Variants in SDK1 observed in about 807,000 individuals in gnomAD.
SDK1 encodes sidekick cell adhesion molecule 1, also known as protein sidekick-1.
A neutral mutation model predicts 245.5 loss-of-function variants in SDK1; 157 were observed. The ratio of observed to expected loss-of-function variants is 0.64; its 90% confidence interval spans 0.56 to 0.73. SDK1 has a LOEUF of 0.73. SDK1 is among the 30% of genes least tolerant of loss of function. The pLI is 0.00. For missense variants in SDK1, 3,583 were observed against 3,002.3 expected, an observed-to-expected ratio of 1.19 and a Z score of -4.52; for synonymous variants, 1,647 against 1,278.5, an observed-to-expected ratio of 1.29 and a Z score of -6.15.
At chr7:3,717,761 C>G (rs1402982755) in intron 4 of SDK1, among the ~76,000 whole-genome samples, 1 of 152,156 alleles carries the variant, frequency 6.6e-6, no homozygotes, top group Non-Finnish European at 1.5e-5. Flanking sequence ...CTTAGAGAAA[C>G]TTAATTTGCA....
chr7:3,623,921 C>G (rs1021635536), intron 2 of SDK1, among the ~76,000 whole-genome samples: 11 of 152,186 alleles, frequency 7.2e-5, no homozygotes, highest in Non-Finnish European at 1.3e-4. Flanking sequence ...TTTATTCTTG[C>G]TTTATTCCAG....
chr7:4,132,567 A>C (rs1309969896), intron 28 of SDK1, 144 bp downstream of exon 28: 9 of 596,414 alleles, frequency 1.5e-5, no homozygotes, highest in African/African-American at 3.6e-5. Flanking sequence ...CCAAAGAAAA[A>C]ATTCAGACTA....
chr7:3,893,379 T>G (rs763274377), intron 5 of SDK1, among the ~76,000 whole-genome samples: 12 of 152,230 alleles, frequency 7.9e-5, no homozygotes, highest in Non-Finnish European at 1.2e-4. Context: ...CTTGCTATGC[T>G]TATCTGTAAA....
At chr7:4,137,419 C>G (rs2128202712) in intron 28 of SDK1, among the ~76,000 whole-genome samples, 1 of 152,306 alleles carries the variant, frequency 6.6e-6, no homozygotes, top group African/African-American at 2.4e-5. Context: ...CAGTATCCAG[C>G]CTCAGCTCCT....
chr7:4,139,735 GTA>G lies in SDK1; in HGVS notation c.4229-5985_4229-5984del, dbSNP rs1225102205. ...TGTGTGTGTGTATGTGTGTGTGTGTGTATGTGTGTGTGTGTGTGTGTGTATAA... is the reference window on the plus strand; with the variant it reads ...TGTGTGTGTGTATGTGTGTGTGTGTGTGTGTGTGTGTGTGTGTGTGTATAA... On this transcript the variant is annotated intron_variant, in intron 28 of 44. Coordinates refer to ENST00000404826, the MANE Select transcript of SDK1 (RefSeq NM_152744.4). Among the ~76,000 whole-genome samples, 24 of 141,120 alleles carry G rather than the reference GTA, an allele frequency of 1.7e-4. 1 individual carries two copies. Among genetic ancestry groups the G allele is most frequent in the African/African-American group, 4.9e-4 (17 of 34,728 alleles). The allele number at this position is 141,120 out of a possible 152,430, so 92.6% of individuals were successfully genotyped here.
intron 5 of SDK1, among the ~76,000 whole-genome samples, chr7:3,936,225 G>A (rs1780153891): frequency 1.3e-5 from 2 of 152,150 alleles, no homozygotes; most frequent in South Asian, 2.1e-4. Flanking sequence ...GGTGCCAGGG[G>A]CTGGGGAGGA....
At chr7:3,481,055 A>G (rs1781507783) in intron 1 of SDK1, among the ~76,000 whole-genome samples, 1 of 152,244 alleles carries the variant, frequency 6.6e-6, no homozygotes, top group African/African-American at 2.4e-5. Flanking sequence ...AGAGAATTTC[A>G]AAGAGTTATA....
intron 5 of SDK1, among the ~76,000 whole-genome samples, chr7:3,855,817 A>C (rs974322515): frequency 2.0e-5 from 3 of 152,166 alleles, no homozygotes; most frequent in African/African-American, 7.2e-5. Context: ...CTGAGGGGAA[A>C]ACTTAAGAAT....
At chr7:3,407,661 T>C (rs921559680) in intron 1 of SDK1, among the ~76,000 whole-genome samples, 3 of 152,180 alleles carry the variant, frequency 2.0e-5, no homozygotes, top group Non-Finnish European at 2.9e-5. Flanking sequence ...TATTATAAAC[T>C]CCCAAGCTGG....
At chr7:3,882,725 T>G (rs972028348) in intron 5 of SDK1, among the ~76,000 whole-genome samples, 1 of 152,100 alleles carries the variant, frequency 6.6e-6, no homozygotes, top group African/African-American at 2.4e-5. Context: ...CAAATGAGCC[T>G]TCTTTTTTTT....
At chr7:4,169,593 G>A (rs1219504736) in intron 32 of SDK1, among the ~76,000 whole-genome samples, 2 of 152,172 alleles carry the variant, frequency 1.3e-5, no homozygotes, top group Non-Finnish European at 2.9e-5. Context: ...CTCAGTCTCT[G>A]GCACCCGGTG....
chr7:3,819,459 A>G (rs965801281), intron 4 of SDK1, among the ~76,000 whole-genome samples: 19 of 151,492 alleles, frequency 1.3e-4, no homozygotes, highest in Non-Finnish European at 2.1e-4. Context: ...TGAAATTACT[A>G]TGGTAAAAAT....
Position 3,859,141 on chromosome 7 carries a change from C to T in SDK1, c.847+37558C>T, listed in dbSNP as rs770544896. The stretch of plus-strand genomic sequence containing the variant: ...CCTCCCAAAGTGCTGGGATTACAGG[C>T]GTGAGCCACCAAGCCCGGCCCATAT... On this transcript the variant is annotated intron_variant, in intron 5 of 44. Coordinates refer to ENST00000404826, the MANE Select transcript of SDK1 (RefSeq NM_152744.4). Among the ~76,000 whole-genome samples the T allele has an allele frequency of 3.4e-4, 51 of 152,056 alleles. 1 individual carries two copies. Among genetic ancestry groups the T allele is most frequent in the Non-Finnish European group, 6.5e-4 (44 of 68,030 alleles).
At chr7:3,551,100 T>G (rs1358493489) in intron 1 of SDK1, among the ~76,000 whole-genome samples, 2 of 152,250 alleles carry the variant, frequency 1.3e-5, no homozygotes, top group Admixed American at 1.3e-4. Flanking sequence ...TTTTTAAATT[T>G]TAAAACATTT....
chr7:3,392,627 C>T (rs1781786529), intron 1 of SDK1, among the ~76,000 whole-genome samples: 1 of 152,136 alleles, frequency 6.6e-6, no homozygotes, highest in Non-Finnish European at 1.5e-5. Flanking sequence ...CTTCCTCCCT[C>T]CAACCCTGGT....
chr7:3,908,736 A>G (rs1049385228), intron 5 of SDK1, among the ~76,000 whole-genome samples: 2 of 152,166 alleles, frequency 1.3e-5, no homozygotes, highest in Admixed American at 1.3e-4. Flanking sequence ...AAGAGAATAC[A>G]TGATAAATTT....
At chr7:3,689,687 T>A (rs1350317836) in intron 4 of SDK1, among the ~76,000 whole-genome samples, 2 of 152,248 alleles carry the variant, frequency 1.3e-5, no homozygotes, top group Non-Finnish European at 2.9e-5. Flanking sequence ...TGTTTCTTAC[T>A]TTAGTAATGA....
At chr7:4,046,287 G>A (rs148758848) in intron 17 of SDK1, among the ~76,000 whole-genome samples, 4 of 151,984 alleles carry the variant, frequency 2.6e-5, no homozygotes, top group African/African-American at 4.8e-5. Flanking sequence ...TCTTGCACAC[G>A]TTGTCTCCCA....
chr7:3,365,493 C>T (rs536340440), intron 1 of SDK1, among the ~76,000 whole-genome samples: 7 of 150,950 alleles, frequency 4.6e-5, no homozygotes, highest in Non-Finnish European at 1.0e-4. Flanking sequence ...AATTCTTCCC[C>T]TTAACTTATT....
Sources: gnomAD v4.1 joint callset for allele counts (sites outside exome capture counted in the v4.1 genomes callset) on GRCh38, gnomAD v4.1.1 for gene constraint, MANE v1.5 for transcripts, NCBI Gene and HGNC (gene_info 2026-07-23, HGNC 2026-07-21) for gene names.